Variants in MTUS1 observed in about 807,000 individuals in gnomAD.
MTUS1 encodes the protein microtubule associated scaffold protein 1.
In MTUS1, 109 loss-of-function variants were observed where a neutral mutation model predicts 120.8. The ratio of observed to expected loss-of-function variants is 0.90; its 90% confidence interval spans 0.77 to 1.06. The LOEUF (loss-of-function observed/expected upper bound fraction) is 1.06. MTUS1 is among the 50% of genes least tolerant of loss of function. MTUS1 has a pLI of 0.00. For missense variants in MTUS1, 2,210 were observed against 1,486.3 expected (o/e 1.49, Z -8.01); for synonymous variants, 737 against 550.5 (o/e 1.34, Z -4.74).
intron 6 of MTUS1, among the ~76,000 whole-genome samples, chr8:17,696,412 AATCT>A (rs1817976153): frequency 6.6e-6 from 1 of 152,196 alleles, no homozygotes; most frequent in Non-Finnish European, 1.5e-5. Flanking sequence ...CAGAAACAAA[AATCT>A]ATTTACATCC....
intron 1 of MTUS1, among the ~76,000 whole-genome samples, chr8:17,792,602 G>T (rs947903710): frequency 6.6e-6 from 1 of 152,218 alleles, no homozygotes; most frequent in Non-Finnish European, 1.5e-5. Flanking sequence ...GGTGGCTTAC[G>T]CCTGTAATCC....
At chr8:17,769,385 T>A (rs2049836157) in intron 1 of MTUS1, among the ~76,000 whole-genome samples, 1 of 147,738 alleles carries the variant, frequency 6.8e-6, no homozygotes, top group Admixed American at 6.8e-5. Flanking sequence ...TCTCGCTCTG[T>A]CGCCCAGGCT....
chr8:17,773,626 A>G (rs952477481), intron 1 of MTUS1, among the ~76,000 whole-genome samples: 16 of 152,184 alleles, frequency 1.1e-4, no homozygotes, highest in Non-Finnish European at 1.8e-4. Flanking sequence ...AGACAGTAAG[A>G]GCCTGCCAGC....
intron 4 of MTUS1, among the ~76,000 whole-genome samples, chr8:17,720,683 T>C (rs960528789): frequency 6.6e-6 from 1 of 152,182 alleles, no homozygotes; most frequent in Non-Finnish European, 1.5e-5. Flanking sequence ...AATTGCACAA[T>C]AGTCCCCAAA....
At chr8:17,711,880 TAAGG>T (rs1183357429) in intron 6 of MTUS1, among the ~76,000 whole-genome samples, 2 of 152,120 alleles carry the variant, frequency 1.3e-5, no homozygotes, top group Non-Finnish European at 2.9e-5. Flanking sequence ...TCTCAGGGAA[TAAGG>T]AAGACCAAGA....
chr8:17,728,160 G>C (rs1001861037), intron 3 of MTUS1, among the ~76,000 whole-genome samples: 2 of 152,164 alleles, frequency 1.3e-5, no homozygotes, highest in Admixed American at 1.3e-4. Context: ...GGGAAATGGG[G>C]AGTTGTTCAA....
chr8:17,661,628 G>A (rs1043249073), intron 8 of MTUS1, among the ~76,000 whole-genome samples: 11 of 151,276 alleles, frequency 7.3e-5, no homozygotes, highest in South Asian at 2.1e-4. Context: ...GGACAGGGCT[G>A]TTTCCCTCTA....
chr8:17,699,852 T>C lies in MTUS1; in HGVS notation c.2623+13362A>G, dbSNP rs1308997711. 3.3e-5 allele frequency among the ~76,000 whole-genome samples: 5 copies of C among 152,332 alleles called. No individual in the cohort carries two copies. The East Asian group carries it at 9.7e-4, about 29-fold the overall frequency. On this transcript the variant is annotated intron_variant, in intron 6 of 14. Coordinates refer to ENST00000693296, the MANE Select transcript of MTUS1 (RefSeq NM_001363059.2). ...AGCACTCTCTTACACACTTTACGTT[T>C]GCTCATTTAAATAACTGGATAAGCA... is the stretch of plus-strand genomic sequence containing the variant.
At chr8:17,703,307 A>C (rs1764988229) in intron 6 of MTUS1, among the ~76,000 whole-genome samples, 1 of 152,096 alleles carries the variant, frequency 6.6e-6, no homozygotes, top group Non-Finnish European at 1.5e-5. Context: ...TAGGTCTATA[A>C]ACGGCCGCTC....
chr8:17,696,350 G>C (rs1449903158), intron 6 of MTUS1, among the ~76,000 whole-genome samples: 1 of 152,102 alleles, frequency 6.6e-6, no homozygotes, highest in Admixed American at 6.5e-5. Flanking sequence ...ACCAGGGACA[G>C]AGATGAGCCA....
In MTUS1 at chr8:17,739,844, T is replaced by G. The variant is rs996196018; in HGVS notation, c.2287+3760A>C. Among the ~76,000 whole-genome samples, 5 of 152,370 alleles carry G rather than the reference T, an allele frequency of 3.3e-5. No individual in the cohort carries two copies. In the Middle Eastern group the frequency reaches 0.01, roughly 311 times the overall value. ...AATAATTTTCATCACTATCTCATCT[T>G]ATTTCAGTATATTTCCAAAGAAGCA... is the stretch of plus-strand genomic sequence containing the variant. On this transcript the variant is annotated intron_variant, in intron 3 of 14. Coordinates refer to ENST00000693296, the MANE Select transcript of MTUS1 (RefSeq NM_001363059.2).
At chr8:17,692,771 T>C (rs4921557) in intron 6 of MTUS1, among the ~76,000 whole-genome samples, 46,155 of 152,016 alleles carry the variant, frequency 0.3, 7,937 homozygotes, top group Middle Eastern at 0.4. Flanking sequence ...AACTATTTAT[T>C]GTACAAGAAT....
intron 2 of MTUS1, among the ~76,000 whole-genome samples, chr8:17,753,047 T>C (rs751085488): frequency 2.0e-5 from 3 of 152,234 alleles, no homozygotes; most frequent in Non-Finnish European, 2.9e-5. Flanking sequence ...AGACAGGCGC[T>C]ATGGAAAACA....
chr8:17,689,091 C>G (rs1161002485), intron 6 of MTUS1, among the ~76,000 whole-genome samples: 1 of 152,020 alleles, frequency 6.6e-6, no homozygotes, highest in Admixed American at 6.6e-5. Context: ...CCTGCCTGTA[C>G]TCCCAGCTAC....
At chr8:17,747,674 C>G (rs111405719) in intron 2 of MTUS1, among the ~76,000 whole-genome samples, 3 of 152,172 alleles carry the variant, frequency 2.0e-5, no homozygotes, top group African/African-American at 2.4e-5. Context: ...CCTTGCCCCC[C>G]ACATCCCATT....
chr8:17,689,438 TA>T (rs1345493906), intron 6 of MTUS1, among the ~76,000 whole-genome samples: 1 of 152,210 alleles, frequency 6.6e-6, no homozygotes, highest in African/African-American at 2.4e-5. Context: ...CATATTCATA[TA>T]AAAAATTCCT....
intron 1 of MTUS1, among the ~76,000 whole-genome samples, chr8:17,768,145 G>C (rs1056067031): frequency 5.9e-5 from 9 of 152,212 alleles, no homozygotes; most frequent in Admixed American, 2.6e-4. Flanking sequence ...ACAGCAGATA[G>C]TATCAGAGAG....
intron 1 of MTUS1, among the ~76,000 whole-genome samples, chr8:17,771,892 T>C (rs1410923706): frequency 6.6e-6 from 1 of 152,232 alleles, no homozygotes; most frequent in Non-Finnish European, 1.5e-5. Context: ...TTACGATTTC[T>C]ACTAGTGTCT....
intron 1 of MTUS1, among the ~76,000 whole-genome samples, chr8:17,781,857 G>A (rs1310849380): frequency 2.0e-5 from 3 of 152,120 alleles, no homozygotes; most frequent in Non-Finnish European, 4.4e-5. Context: ...TCCTGACTTG[G>A]CCCTAGATAA....
Sources: gnomAD v4.1 joint callset for allele counts (sites outside exome capture counted in the v4.1 genomes callset) on GRCh38, gnomAD v4.1.1 for gene constraint, MANE v1.5 for transcripts, NCBI Gene and HGNC (gene_info 2026-07-23, HGNC 2026-07-21) for gene names.